Variants in ADAMTSL1 observed in about 807,000 individuals in gnomAD.
ADAMTSL1 encodes the protein ADAMTS-like protein 1.
In ADAMTSL1, 126 loss-of-function variants were observed where a neutral mutation model predicts 201.8. The observed-to-expected ratio is 0.62, with a 90% CI of 0.54 to 0.72. The LOEUF is 0.72. Ranked by LOEUF, ADAMTSL1 falls within the 30% of genes least tolerant of loss-of-function variation. The pLI is 0.00. For missense variants in ADAMTSL1, 2,679 were observed against 2,277.8 expected (o/e 1.18, Z -3.59); for synonymous variants, 1,121 against 903.4 (o/e 1.24, Z -4.32).
chr9:18,526,021 T>C (rs1819021267), intron 2 of ADAMTSL1, among the ~76,000 whole-genome samples: 1 of 152,210 alleles, frequency 6.6e-6, no homozygotes, highest in Non-Finnish European at 1.5e-5. Flanking sequence ...CTCATTGATC[T>C]GTCCAATGTT....
At chr9:18,082,898 GA>G (rs1234233682) in intron 1 of ADAMTSL1, among the ~76,000 whole-genome samples, 2 of 152,108 alleles carry the variant, frequency 1.3e-5, no homozygotes, top group Non-Finnish European at 2.9e-5. Flanking sequence ...AGCAGAATAG[GA>G]AAACCCATAA....
intron 2 of ADAMTSL1, among the ~76,000 whole-genome samples, chr9:18,461,985 T>C (rs537493070): frequency 1.3e-5 from 2 of 152,296 alleles, no homozygotes; most frequent in East Asian, 3.9e-4. Flanking sequence ...ACTTTCTATA[T>C]GTGAGTTTTA....
At chr9:18,253,969 G>A (rs145521167) in intron 2 of ADAMTSL1, among the ~76,000 whole-genome samples, 20 of 152,188 alleles carry the variant, frequency 1.3e-4, no homozygotes, top group Admixed American at 5.9e-4. Context: ...ACAAATTTAC[G>A]TGCCAATTCA....
At chr9:18,612,450 T>C (rs1169803303) in intron 4 of ADAMTSL1, among the ~76,000 whole-genome samples, 1 of 152,182 alleles carries the variant, frequency 6.6e-6, no homozygotes, top group African/African-American at 2.4e-5. Flanking sequence ...TGAACACATA[T>C]ATTTTAGTTG....
chr9:18,800,383 A>C (rs1430529000), intron 20 of ADAMTSL1, among the ~76,000 whole-genome samples: 2 of 91,152 alleles, frequency 2.2e-5, no homozygotes, highest in Non-Finnish European at 4.8e-5. Flanking sequence ...ATCTCAAAAA[A>C]AAAAAAAAAA....
intron 2 of ADAMTSL1, among the ~76,000 whole-genome samples, chr9:18,448,136 T>C (rs2131661241): frequency 6.6e-6 from 1 of 152,338 alleles, no homozygotes; most frequent in African/African-American, 2.4e-5. Context: ...AATTCTTTTA[T>C]ACACTTAGGA....
chr9:17,959,218 G>C (rs149032816), intron 1 of ADAMTSL1, among the ~76,000 whole-genome samples: 1 of 152,222 alleles, frequency 6.6e-6, no homozygotes, highest in East Asian at 1.9e-4. Context: ...GAATTTGGCT[G>C]AACAGCATTT....
At chr9:18,005,602 A>G (rs574229713) in intron 1 of ADAMTSL1, among the ~76,000 whole-genome samples, 14 of 152,198 alleles carry the variant, frequency 9.2e-5, no homozygotes, top group African/African-American at 2.2e-4. Flanking sequence ...TTTTATGACT[A>G]TGACTGTCTA....
At chr9:18,109,013 T>A (rs1824884730) in intron 1 of ADAMTSL1, among the ~76,000 whole-genome samples, 1 of 152,172 alleles carries the variant, frequency 6.6e-6, no homozygotes. Context: ...CTCAGTGCTA[T>A]AGTTTTTTTG....
chr9:18,495,144 A>C (rs1457949521), intron 1 of ADAMTSL1, among the ~76,000 whole-genome samples: 1 of 152,212 alleles, frequency 6.6e-6, no homozygotes, highest in African/African-American at 2.4e-5. Flanking sequence ...AATGATGTTG[A>C]GCAGTTAAAT....
intron 23 of ADAMTSL1, among the ~76,000 whole-genome samples, chr9:18,838,865 A>G (rs1268238027): frequency 1.3e-5 from 2 of 149,212 alleles, no homozygotes; most frequent in Non-Finnish European, 3.0e-5. Flanking sequence ...AACAAGTGAG[A>G]TCCTGTCTCT....
At chr9:18,616,013 T>G (rs1825679568) in intron 4 of ADAMTSL1, among the ~76,000 whole-genome samples, 1 of 152,154 alleles carries the variant, frequency 6.6e-6, no homozygotes, top group South Asian at 2.1e-4. Flanking sequence ...GATGATTTGT[T>G]TTGGCTTCTT....
intron 11 of ADAMTSL1, chr9:18,681,551 G>T: frequency 4.2e-6 from 1 of 240,170 alleles, no homozygotes. Flanking sequence ...GCACACAGTG[G>T]GTACTTAAAG....
At chr9:18,441,682 A>ATT (rs11385744) in intron 2 of ADAMTSL1, among the ~76,000 whole-genome samples, 17 of 151,430 alleles carry the variant, frequency 1.1e-4, no homozygotes, top group Admixed American at 6.6e-4. Context: ...AAAGGAATCC[A>ATT]TTTTTTTTTC....
At chr9:18,122,019 A>G (rs1970064) in intron 1 of ADAMTSL1, among the ~76,000 whole-genome samples, 84,122 of 152,044 alleles carry the variant, frequency 0.55, 23,198 homozygotes, top group South Asian at 0.59. Context: ...TATATAAAAT[A>G]TCCAGAATAG....
chr9:18,252,676 C>T (rs1046462006), intron 2 of ADAMTSL1, among the ~76,000 whole-genome samples: 14 of 151,898 alleles, frequency 9.2e-5, no homozygotes, highest in African/African-American at 2.4e-4. Flanking sequence ...ATACAGAGCC[C>T]GCTGATAAGG....
rs1405540912 is a variant in ADAMTSL1, at chr9:18,753,291, TTC to T, written c.2007-4_2007-3del. 1.4e-5 allele frequency: 23 copies of T among 1,608,634 alleles called. No individual in the cohort carries two copies. The highest frequency in any genetic ancestry group is 5.3e-5 in the African/African-American group (4 of 74,834). On this transcript the variant is annotated splice_region_variant and splice_polypyrimidine_tract_variant and intron_variant, in intron 15 of 28. Transcript: ENST00000380548. ...GTGTGTCCTCTTCCTCTCTGATTTCTTCTCAGGTGGGAAATTGGCAAGTGGAG... is the reference window on the plus strand; with the variant it reads ...GTGTGTCCTCTTCCTCTCTGATTTCTTCAGGTGGGAAATTGGCAAGTGGAG...
intron 21 of ADAMTSL1, among the ~76,000 whole-genome samples, chr9:18,822,352 C>T (rs1290470106): frequency 6.6e-6 from 1 of 152,200 alleles, no homozygotes; most frequent in Non-Finnish European, 1.5e-5. Flanking sequence ...CCTGACAACA[C>T]CTTGGTTTTA....
At chr9:18,623,549 AG>A (rs1826168951) in intron 5 of ADAMTSL1, among the ~76,000 whole-genome samples, 1 of 152,138 alleles carries the variant, frequency 6.6e-6, no homozygotes, top group African/African-American at 2.4e-5. Context: ...GATCAAGGGA[AG>A]GTGCCTCAGA....
Sources: gnomAD v4.1 joint callset for allele counts (sites outside exome capture counted in the v4.1 genomes callset) on GRCh38, gnomAD v4.1.1 for gene constraint, MANE v1.5 for transcripts, NCBI Gene and HGNC (gene_info 2026-07-23, HGNC 2026-07-21) for gene names.